Variants in FAM32A observed in about 807,000 individuals in gnomAD.
The protein encoded by FAM32A is family with sequence similarity 32 member A.
Under a neutral mutation model 15.8 loss-of-function variants are expected in FAM32A, and 9 were observed. The observed-to-expected ratio is 0.57, with a 90% CI of 0.34 to 1.00. FAM32A has a LOEUF of 1.00. FAM32A is among the 50% of genes least tolerant of loss of function. The pLI is 0.02. For synonymous variants in FAM32A, 64 were observed against 54.9 expected (o/e 1.16, Z -0.73); for missense variants, 113 against 138.3 (o/e 0.82, Z 0.92).
At chr19:16,186,607 T>C (rs2091387003) in intron 2 of FAM32A, 1 of 151,858 alleles carries the variant, frequency 6.6e-6, no homozygotes, top group Non-Finnish European at 1.5e-5. Flanking sequence ...ATGACGACTT[T>C]GTTTGTATTG....
At chr19:16,187,716 G>C (rs2091391349) in intron 2 of FAM32A, 1 of 152,006 alleles carries the variant, frequency 6.6e-6, no homozygotes, top group Non-Finnish European at 1.5e-5. Flanking sequence ...CTCCCAAATT[G>C]CTGGGATTAC....
rs200244542 is a variant in FAM32A at position 16,190,542 on chromosome 19, A to C, written c.239A>C (p.Lys80Thr). The change falls in exon 3 of 4, where the codon AAG becomes ACG. Residue 80 changes from lysine (K) to threonine (T), a missense_variant. Coordinates refer to ENST00000263384, the MANE Select transcript of FAM32A (RefSeq NM_014077.4). Reference sequence around the variant, plus strand: ...CAGCAAATGGAAAGGATCCTAAAGAAGGCATCCAAAACCCACAAGCAGAGA... The same window carrying C: ...CAGCAAATGGAAAGGATCCTAAAGACGGCATCCAAAACCCACAAGCAGAGA... The part of the protein sequence containing the change: ...EKRQMERILK[K>T]ASKTHKQRVE... 3.1e-6 allele frequency: 5 copies of C among 1,613,052 alleles called. No homozygotes were observed. Among genetic ancestry groups the C allele is most frequent in the Non-Finnish European group, 4.2e-6 (5 of 1,179,378 alleles).
chr19:16,185,578 C>T (rs1327644757), intron 1 of FAM32A, 46 bp from the exon 2 acceptor site: 3 of 1,590,230 alleles, frequency 1.9e-6, no homozygotes, highest in East Asian at 2.3e-5. Flanking sequence ...CTCGGGACCC[C>T]TGGCCCTGAT....
intron 2 of FAM32A, among the ~76,000 whole-genome samples, chr19:16,188,863 C>A (rs1334975659): frequency 6.6e-6 from 1 of 152,108 alleles, no homozygotes; most frequent in South Asian, 2.1e-4. Context: ...CCAATAATAT[C>A]TCATGATGCT....
chr19:16,186,649 T>TGATATTA (rs2307611), intron 2 of FAM32A: 108,839 of 151,412 alleles, frequency 0.72, 39,271 homozygotes, highest in Admixed American at 0.78. Flanking sequence ...TATTTTTTCT[T>TGATATTA]AACACCATAA....
intron 2 of FAM32A, chr19:16,186,169 C>A (rs1037677867): frequency 3.9e-5 from 8 of 204,116 alleles, no homozygotes; most frequent in African/African-American, 1.4e-4. Context: ...GAGAGGAAGT[C>A]ATGAAAGTAA....
At chr19:16,189,019 CTTT>C (rs11340905) in intron 2 of FAM32A, among the ~76,000 whole-genome samples, 11 of 83,408 alleles carry the variant, frequency 1.3e-4, no homozygotes, top group African/African-American at 3.5e-4. Flanking sequence ...CTCAGTGCTT[CTTT>C]TTTTTTTTTT....
Position 16,191,185 on chromosome 19 carries a change from G to A in FAM32A, c.*230G>A, listed in dbSNP as rs1450459912. The A allele has an allele frequency of 7.6e-5, 40 of 527,166 alleles. No homozygotes were observed. The highest frequency in any genetic ancestry group is 7.5e-4 in the South Asian group (36 of 48,150). The allele number at this position is 527,166 out of a possible 1,614,324, so 32.7% of individuals were successfully genotyped here. A position where few individuals can be genotyped will look rare whatever the true frequency, so the allele number is the denominator to read the frequency against. ...AACATACAGAAGATACACCCTTTTCGTTTGGATGGAAAGTTTCTAAGTTTA... is the reference window on the plus strand; with the variant it reads ...AACATACAGAAGATACACCCTTTTCATTTGGATGGAAAGTTTCTAAGTTTA... On this transcript the variant is annotated 3_prime_UTR_variant, in exon 4 of 4. Coordinates refer to ENST00000263384, the MANE Select transcript of FAM32A (RefSeq NM_014077.4).
At position 16,191,404 on chromosome 19, in the gene FAM32A, T is replaced by A. The variant is rs1171661023; in HGVS notation, c.*449T>A. 2 of 187,898 alleles carry A rather than the reference T, an allele frequency of 1.1e-5. No individual in the cohort carries two copies. The highest frequency in any genetic ancestry group is 2.4e-5 in the African/African-American group (1 of 42,204). The allele number at this position is 187,898 out of a possible 1,614,324, so 11.6% of individuals were successfully genotyped here. On this transcript the variant is annotated 3_prime_UTR_variant, in exon 4 of 4. Coordinates refer to ENST00000263384, the MANE Select transcript of FAM32A (RefSeq NM_014077.4). ...AGCGTGGGCGCCCTTCCAAGCTTCC[T>A]CTAGCTTTGGGCCTATGCTGTCCCC...
Position 16,185,945 on chromosome 19 carries a change from G to A in FAM32A, c.216+180G>A, listed in dbSNP as rs187718515. On this transcript the variant is annotated intron_variant, in intron 2 of 3. Coordinates refer to ENST00000263384, the MANE Select transcript of FAM32A (RefSeq NM_014077.4). ...CGCCCTCTGCCGGGGGAGCTCCAAGGATGAGAAGACCCCGCTGGCCCGAGT... is the reference window on the plus strand; with the variant it reads ...CGCCCTCTGCCGGGGGAGCTCCAAGAATGAGAAGACCCCGCTGGCCCGAGT... Among the ~76,000 whole-genome samples, 606 of 152,280 alleles carry A rather than the reference G, an allele frequency of 4.0e-3. 7 individuals carry two copies. The highest frequency in any genetic ancestry group is 0.013 in the African/African-American group (532 of 41,550).
intron 3 of FAM32A, 57 bp from the exon 4 acceptor site, chr19:16,190,830 T>C: frequency 6.9e-7 from 1 of 1,440,168 alleles, no homozygotes; most frequent in Non-Finnish European, 9.8e-7. Flanking sequence ...GTGCCACTTC[T>C]CCCCAGTACC....
rs776681944 is a variant in FAM32A, at chr19:16,185,606, C to T, written c.75-18C>T. 1.3e-6 allele frequency: 2 copies of T among 1,595,742 alleles called. No homozygotes were observed. Among genetic ancestry groups the T allele is most frequent in the African/African-American group, 1.3e-5 (1 of 74,414 alleles). The stretch of plus-strand genomic sequence containing the variant: ...GCCCTGATCCTCCGACCCGCCGCCT[C>T]CTCATGTCTTTTTCCAGGAAGAAGA... On this transcript the variant is annotated intron_variant, in intron 1 of 3. Transcript: ENST00000263384.
chr19:16,186,469 T>C (rs1375016013), intron 2 of FAM32A: 1 of 152,122 alleles, frequency 6.6e-6, no homozygotes, highest in Admixed American at 6.5e-5. Context: ...GGTTTCACCA[T>C]GTTGGCCAGG....
intron 2 of FAM32A, 36 bp from the exon 3 acceptor site, chr19:16,190,484 C>G (rs2091401675): frequency 6.6e-7 from 1 of 1,508,280 alleles, no homozygotes; most frequent in Admixed American, 1.8e-5. Context: ...CTGTGTTGAG[C>G]CTGTAAACTC....
chr19:16,185,833 A>G (rs1473163784), intron 2 of FAM32A, 68 bp downstream of exon 2: 2 of 1,506,236 alleles, frequency 1.3e-6, no homozygotes, highest in Non-Finnish European at 1.8e-6. Flanking sequence ...AATTGGGGTC[A>G]GGGCTGGGAC....
At chr19:16,186,100 C>T (rs996157874) in intron 2 of FAM32A, among the ~76,000 whole-genome samples, 2 of 152,144 alleles carry the variant, frequency 1.3e-5, no homozygotes, top group African/African-American at 4.8e-5. Flanking sequence ...TTCCGTGCCT[C>T]AAGTTTCCTC....
rs537517016 is a variant in FAM32A at position 16,185,469 on chromosome 19, G to T, written c.27G>T (p.Lys9Asn). Reference sequence around the variant, plus strand: ...TGGAGGCCTACGAGCAGGTCCAAAAGGGACCCCTGAAGCTGAAAGGCGTCG... The same window carrying T: ...TGGAGGCCTACGAGCAGGTCCAAAATGGACCCCTGAAGCTGAAAGGCGTCG... MEAYEQVQ[K>N]GPLKLKGVAE... Residue 9 changes from lysine to asparagine, a missense_variant, in exon 1 of 4, where the codon AAG becomes AAT. Lys to Asn is a moderately conservative substitution (Grantham distance 94, BLOSUM62 0). Transcript: ENST00000263384. 1 of 1,562,232 alleles carries T rather than the reference G, an allele frequency of 6.4e-7. No individual in the cohort carries two copies.
chr19:16,190,992 G>A lies in FAM32A; in HGVS notation c.*37G>A, dbSNP rs57818321. 1.0e-4 allele frequency: 157 copies of A among 1,513,564 alleles called. No individual in the cohort carries two copies. The African/African-American group carries it at 1.7e-3, about 16-fold the overall frequency. The allele number at this position is 1,513,564 out of a possible 1,614,324, so 93.8% of individuals were successfully genotyped here. On this transcript the variant is annotated 3_prime_UTR_variant, in exon 4 of 4. Transcript: ENST00000263384. ...CAGTATGGAGCAGCATCGAGGGTTC[G>A]CAAAAGGCCACACTGGGGTTGTGTG...
chr19:16,188,436 A>C (rs1407462907), intron 2 of FAM32A, among the ~76,000 whole-genome samples: 1 of 152,140 alleles, frequency 6.6e-6, no homozygotes, highest in Non-Finnish European at 1.5e-5. Flanking sequence ...AAGAAGGTAA[A>C]TGCAGTGCCC....
Sources: allele counts gnomAD v4.1 joint callset (sites outside exome capture counted in the v4.1 genomes callset), GRCh38; gene constraint gnomAD v4.1.1; transcripts MANE v1.5; gene names NCBI Gene and HGNC (gene_info 2026-07-23, HGNC 2026-07-21).